NSMCE1: variants seen among roughly 807,000 people sequenced by gnomAD.
NSMCE1 encodes the protein non-structural maintenance of chromosomes element 1 homolog.
NSMCE1 carries 18 observed loss-of-function variants against 29.6 expected under a neutral mutation model. That is an observed-to-expected ratio of 0.61 (90% CI 0.42 to 0.90). NSMCE1 has a LOEUF of 0.90. NSMCE1 is among the 40% of genes least tolerant of loss of function. The pLI is 0.00. For synonymous variants in NSMCE1, 124 were observed against 133.4 expected (o/e 0.93, Z 0.49); for missense variants, 314 against 343.6 (o/e 0.91, Z 0.68).
intron 5 of NSMCE1, among the ~76,000 whole-genome samples, chr16:27,230,131 G>T (rs141744202): frequency 6.6e-6 from 1 of 152,166 alleles, no homozygotes; most frequent in Non-Finnish European, 1.5e-5. Flanking sequence ...CCCATGAGCC[G>T]CGCTTGCTCT....
intron 5 of NSMCE1, among the ~76,000 whole-genome samples, chr16:27,228,157 T>G (rs957264885): frequency 1.3e-5 from 2 of 151,838 alleles, no homozygotes; most frequent in Admixed American, 6.6e-5. Context: ...TGTGGAGGGG[T>G]GTGCTTGCGT....
chr16:27,237,743 T>C (rs1000807504), intron 2 of NSMCE1, among the ~76,000 whole-genome samples: 4 of 152,182 alleles, frequency 2.6e-5, no homozygotes, highest in Admixed American at 6.5e-5. Flanking sequence ...TATTGGACTT[T>C]CCAGACACCC....
intron 2 of NSMCE1, among the ~76,000 whole-genome samples, chr16:27,251,191 A>ATATATAT (rs1555477411): frequency 5.3e-3 from 170 of 32,290 alleles, no homozygotes; most frequent in African/African-American, 0.017. Flanking sequence ...TATATATATA[A>ATATATAT]ATATATATAT....
intron 2 of NSMCE1, among the ~76,000 whole-genome samples, chr16:27,242,773 G>A (rs2083908505): frequency 6.6e-6 from 1 of 152,166 alleles, no homozygotes; most frequent in Non-Finnish European, 1.5e-5. Flanking sequence ...CTGAAAACAG[G>A]TGGTCCATCT....
chr16:27,229,605 G>A (rs774178015), intron 5 of NSMCE1, among the ~76,000 whole-genome samples: 8 of 152,244 alleles, frequency 5.3e-5, no homozygotes, highest in Middle Eastern at 3.4e-3. Flanking sequence ...ACAGAGTTTC[G>A]CTCTTGTTGC....
At chr16:27,250,891 G>A (rs2141004014) in intron 2 of NSMCE1, among the ~76,000 whole-genome samples, 1 of 132,714 alleles carries the variant, frequency 7.5e-6, no homozygotes, top group African/African-American at 2.8e-5. Context: ...TGCCCAGGCT[G>A]GGGTGCAATG....
intron 3 of NSMCE1, 42 bp from the exon 4 acceptor site, chr16:27,234,307 C>T (rs754474184): frequency 2.9e-6 from 4 of 1,389,072 alleles, no homozygotes; most frequent in Non-Finnish European, 3.1e-6. Flanking sequence ...GTGCTCTTTG[C>T]GTGTTGGTTA....
At chr16:27,265,154 T>G (rs924286446) in intron 1 of NSMCE1, among the ~76,000 whole-genome samples, 4 of 144,012 alleles carry the variant, frequency 2.8e-5, no homozygotes, top group African/African-American at 1.0e-4. Context: ...GAGTATAAAT[T>G]CTTTTCCTTT....
intron 2 of NSMCE1, among the ~76,000 whole-genome samples, chr16:27,250,372 A>C (rs1288492248): frequency 6.6e-6 from 1 of 152,206 alleles, no homozygotes; most frequent in Non-Finnish European, 1.5e-5. Flanking sequence ...TGTTAGCTGT[A>C]GGTTTTACAG....
intron 5 of NSMCE1, among the ~76,000 whole-genome samples, chr16:27,227,664 C>T (rs933079487): frequency 1.3e-5 from 2 of 152,226 alleles, no homozygotes. Context: ...ATATGAACCA[C>T]ACCAGGAGAT....
chr16:27,241,694 G>A (rs566971749), intron 2 of NSMCE1: 3 of 256,054 alleles, frequency 1.2e-5, no homozygotes, highest in South Asian at 3.5e-5. Flanking sequence ...GGGAAGAGCC[G>A]GGTGGAAGGA....
chr16:27,248,213 A>G (rs964661881), intron 2 of NSMCE1, among the ~76,000 whole-genome samples: 4 of 152,144 alleles, frequency 2.6e-5, no homozygotes, highest in African/African-American at 9.7e-5. Flanking sequence ...ATAAATGCCT[A>G]AGAGAGGAAT....
At chr16:27,235,081 T>C in intron 3 of NSMCE1, 97 bp downstream of exon 3, 1 of 1,176,384 alleles carries the variant, frequency 8.5e-7, no homozygotes, top group Non-Finnish European at 1.2e-6. Context: ...TGCAAAGAAC[T>C]GTCCAAAAGA....
chr16:27,230,244 T>A (rs1462545270), intron 5 of NSMCE1, among the ~76,000 whole-genome samples: 1 of 152,212 alleles, frequency 6.6e-6, no homozygotes, highest in Non-Finnish European at 1.5e-5. Context: ...CACACAGGAC[T>A]GGCTGTCCAG....
chr16:27,247,164 T>C (rs1475630420), intron 2 of NSMCE1, among the ~76,000 whole-genome samples: 1 of 152,212 alleles, frequency 6.6e-6, no homozygotes, highest in Non-Finnish European at 1.5e-5. Context: ...TCTTGAATTG[T>C]AGTTCCCATA....
In NSMCE1 at chr16:27,225,216, CCTT is replaced by C. The variant is rs760449878; in HGVS notation, c.739_741del (p.Lys247del). 40 of 1,606,362 alleles carry C rather than the reference CCTT, an allele frequency of 2.5e-5. No individual in the cohort carries two copies. In the African/African-American group the frequency reaches 4.4e-4, roughly 18 times the overall value. On this transcript the variant is annotated inframe_deletion, in exon 8 of 8. Coordinates refer to ENST00000361439, the MANE Select transcript of NSMCE1 (RefSeq NM_145080.4). ...GATTTCAAGACACCAGACTCCCTCTCCTTCTCAGGGTCGAAGACTTCTGTAGAC... is the reference window on the plus strand; with the variant it reads ...GATTTCAAGACACCAGACTCCCTCTCCTCAGGGTCGAAGACTTCTGTAGAC...
Position 27,226,402 on chromosome 16 carries a change from A to G in NSMCE1, c.600+318T>C, listed in dbSNP as rs1457378504. The G allele has an allele frequency of 3.4e-5, 11 of 324,398 alleles. 1 individual carries two copies. Among genetic ancestry groups the G allele is most frequent in the Non-Finnish European group, 4.6e-5 (8 of 174,682 alleles). The allele number at this position is 324,398 out of a possible 1,614,324, so 20.1% of individuals were successfully genotyped here. A position where few individuals can be genotyped will look rare whatever the true frequency, so the allele number is the denominator to read the frequency against. ...ACCACTCCAGAAAGCAGCAATCGAC[A>G]AGAGACACTCACTACAAAACTACCA... On this transcript the variant is annotated intron_variant, in intron 6 of 7. Transcript: ENST00000361439.
At chr16:27,250,159 T>C (rs1426211603) in intron 2 of NSMCE1, among the ~76,000 whole-genome samples, 1 of 152,254 alleles carries the variant, frequency 6.6e-6, no homozygotes, top group Non-Finnish European at 1.5e-5. Context: ...AGATTTTTTG[T>C]AGATTCCATC....
chr16:27,265,848 G>C (rs1388688669), intron 1 of NSMCE1, among the ~76,000 whole-genome samples: 1 of 152,104 alleles, frequency 6.6e-6, no homozygotes, highest in African/African-American at 2.4e-5. Context: ...TCATTCATTA[G>C]AAATACACAC....
Sources: allele counts gnomAD v4.1 joint callset (sites outside exome capture counted in the v4.1 genomes callset), GRCh38; gene constraint gnomAD v4.1.1; transcripts MANE v1.5; gene names NCBI Gene and HGNC (gene_info 2026-07-23, HGNC 2026-07-21).